The following SLIT3 variants were observed in gnomAD, a reference collection of about 807,000 sequenced individuals.
The protein encoded by SLIT3 is slit guidance ligand 3.
SLIT3 carries 68 observed loss-of-function variants against 184.0 expected under a neutral mutation model. The observed-to-expected ratio is 0.37, with a 90% CI of 0.30 to 0.45. SLIT3 has a LOEUF of 0.45. Ranked by LOEUF, SLIT3 falls within the 20% of genes least tolerant of loss-of-function variation. SLIT3 has a pLI of 1.00. For synonymous variants in SLIT3, 831 were observed against 828.6 expected (o/e 1.00, Z -0.05); for missense variants, 1,707 against 2,026.0 (o/e 0.84, Z 3.02).
chr5:168,677,802 G>A (rs1392963750), intron 32 of SLIT3, among the ~76,000 whole-genome samples: 1 of 152,210 alleles, frequency 6.6e-6, no homozygotes, highest in Non-Finnish European at 1.5e-5. Context: ...CAAGTGCTCA[G>A]TGAAAGGTGG....
At chr5:169,132,449 T>G (rs1761337698) in intron 4 of SLIT3, among the ~76,000 whole-genome samples, 1 of 152,168 alleles carries the variant, frequency 6.6e-6, no homozygotes, top group Non-Finnish European at 1.5e-5. Flanking sequence ...CTATTAAAAT[T>G]TTTTTAAACA....
At chr5:168,933,722 T>C (rs1762068692) in intron 4 of SLIT3, among the ~76,000 whole-genome samples, 1 of 152,110 alleles carries the variant, frequency 6.6e-6, no homozygotes, top group South Asian at 2.1e-4. Context: ...AGTAAAGGGT[T>C]GGAGAGAAAA....
intron 4 of SLIT3, among the ~76,000 whole-genome samples, chr5:168,989,469 G>A (rs547879964): frequency 3.3e-5 from 5 of 152,292 alleles, no homozygotes; most frequent in African/African-American, 1.2e-4. Flanking sequence ...CACTTGTCTC[G>A]CTCTTTGGGG....
At chr5:168,773,046 C>T (rs1755614103) in intron 13 of SLIT3, 102 bp from the exon 14 acceptor site, 1 of 1,221,900 alleles carries the variant, frequency 8.2e-7, no homozygotes. Flanking sequence ...ACTGCAAGGA[C>T]TGGCCTCCTG....
rs146000642 is a variant in SLIT3 at position 168,668,929 on chromosome 5, C to T, written c.4336+854G>A. ...GATTACAGGCGACCGCCATGATGCCCAGCTAATTTTTGTATTTTTAGTAGA... is the reference window on the plus strand; with the variant it reads ...GATTACAGGCGACCGCCATGATGCCTAGCTAATTTTTGTATTTTTAGTAGA... On this transcript the variant is annotated intron_variant, in intron 35 of 35. Coordinates refer to ENST00000519560, the MANE Select transcript of SLIT3 (RefSeq NM_003062.4). 5.3e-3 allele frequency among the ~76,000 whole-genome samples: 814 copies of T among 152,338 alleles called. 8 individuals are homozygous for T. Among genetic ancestry groups the T allele is most frequent in the African/African-American group, 0.019 (777 of 41,580 alleles).
chr5:168,999,637 T>C (rs1755635220), intron 4 of SLIT3, among the ~76,000 whole-genome samples: 1 of 152,190 alleles, frequency 6.6e-6, no homozygotes, highest in South Asian at 2.1e-4. Flanking sequence ...CCACAAACTT[T>C]GGACAGTGTC....
At chr5:168,823,969 A>T (rs1757619445) in intron 6 of SLIT3, among the ~76,000 whole-genome samples, 2 of 152,056 alleles carry the variant, frequency 1.3e-5, no homozygotes, top group South Asian at 4.2e-4. Flanking sequence ...TTATTTTGAG[A>T]CGGGGTTTCG....
intron 4 of SLIT3, among the ~76,000 whole-genome samples, chr5:169,140,217 C>A: frequency 6.7e-6 from 1 of 149,292 alleles, no homozygotes; most frequent in East Asian, 2.0e-4. Context: ...GTAATCCCAG[C>A]ACTTTGGGAG....
At chr5:168,778,893 T>C (rs112082566) in intron 12 of SLIT3, among the ~76,000 whole-genome samples, 2,613 of 152,330 alleles carry the variant, frequency 0.017, 99 homozygotes, top group African/African-American at 0.059. Context: ...AATACTGTAT[T>C]CATCGGTATT....
At chr5:168,870,993 G>A (rs565165326) in intron 5 of SLIT3, among the ~76,000 whole-genome samples, 5 of 152,320 alleles carry the variant, frequency 3.3e-5, no homozygotes, top group African/African-American at 9.6e-5. Context: ...CAAACTGAGC[G>A]TCTTAACATA....
rs959557980 is a variant in SLIT3, at chr5:168,662,756, C to T, written c.*3698G>A. 2 of 152,232 alleles carry T rather than the reference C, an allele frequency of 1.3e-5. No homozygotes were observed. Among genetic ancestry groups the T allele is most frequent in the Admixed American group, 1.3e-4 (2 of 15,276 alleles). The allele number at this position is 152,232 out of a possible 1,614,324, so 9.4% of individuals were successfully genotyped here. ...TCTTTTCCCTTTCCTGAATCCTGCTCAGGGGGGACACAGCTTGAGCGGCCT... is the reference window on the plus strand; with the variant it reads ...TCTTTTCCCTTTCCTGAATCCTGCTTAGGGGGGACACAGCTTGAGCGGCCT... On this transcript the variant is annotated 3_prime_UTR_variant, in exon 36 of 36. Transcript: ENST00000519560.
At position 169,251,422 on chromosome 5, in the gene SLIT3, T is replaced by A; in HGVS notation, c.235A>T (p.Met79Leu). Reference protein sequence around the residue: ...DRNNITRITKMDFAGLKNLRV... With the variant: ...DRNNITRITKLDFAGLKNLRV... ...AGGTTCTTGAGCCCAGCGAAGTCCA[T>A]CTTGGTGATCCTGGTGATATTATTT... The change falls in exon 2 of 36, where the codon ATG (methionine) becomes TTG (leucine). Residue 79 changes from methionine to leucine, a missense_variant. Coordinates refer to ENST00000519560, the MANE Select transcript of SLIT3 (RefSeq NM_003062.4). 1 of 1,613,722 alleles carries A rather than the reference T, an allele frequency of 6.2e-7. No individual in the cohort carries two copies. Among genetic ancestry groups the A allele is most frequent in the Non-Finnish European group, 8.5e-7 (1 of 1,179,642 alleles).
At chr5:169,298,484 C>G (rs1407652877) in intron 1 of SLIT3, among the ~76,000 whole-genome samples, 1 of 152,120 alleles carries the variant, frequency 6.6e-6, no homozygotes, top group Non-Finnish European at 1.5e-5. Context: ...CTTGGTTTCC[C>G]AAACATGGAG....
At chr5:168,936,423 C>A (rs1025868680) in intron 4 of SLIT3, among the ~76,000 whole-genome samples, 2 of 152,212 alleles carry the variant, frequency 1.3e-5, no homozygotes, top group Admixed American at 1.3e-4. Flanking sequence ...TTAGTAGAGA[C>A]GGGGTTTCAC....
At chr5:169,099,028 G>T (rs1279934333) in intron 4 of SLIT3, among the ~76,000 whole-genome samples, 1 of 151,912 alleles carries the variant, frequency 6.6e-6, no homozygotes, top group African/African-American at 2.4e-5. Flanking sequence ...TTGCCTGGTG[G>T]CTACATCTAC....
chr5:168,702,348 G>A (rs1056326628), intron 26 of SLIT3, among the ~76,000 whole-genome samples: 1 of 152,212 alleles, frequency 6.6e-6, no homozygotes, highest in Non-Finnish European at 1.5e-5. Flanking sequence ...GACTTAGAAA[G>A]TGAGGTAATA....
intron 28 of SLIT3, 93 bp downstream of exon 28, chr5:168,696,199 G>C (rs1169425913): frequency 2.1e-6 from 3 of 1,456,498 alleles, no homozygotes; most frequent in Non-Finnish European, 2.9e-6. Context: ...TGTCCTCAGG[G>C]AGAGAGGAAG....
chr5:169,245,348 G>T (rs145778021), intron 2 of SLIT3, among the ~76,000 whole-genome samples: 2 of 152,008 alleles, frequency 1.3e-5, no homozygotes, highest in African/African-American at 2.4e-5. Flanking sequence ...TCACTCACCC[G>T]CCTCAGTCCT....
In SLIT3 at chr5:169,300,553, G is replaced by T. The variant is rs764351814; in HGVS notation, c.157C>A (p.Arg53Ser). The T allele has an allele frequency of 2.0e-4, 296 of 1,510,198 alleles. No homozygotes were observed. The highest frequency in any genetic ancestry group is 2.5e-4 in the Non-Finnish European group (278 of 1,132,744). The allele number at this position is 1,510,198 out of a possible 1,614,324, so 93.5% of individuals were successfully genotyped here. Residue 53 changes from arginine to serine, a missense_variant, in exon 1 of 36, where the codon CGC becomes AGC. By Grantham distance (110) the Arg-to-Ser change is moderately radical (BLOSUM62 -1). Coordinates refer to ENST00000519560, the MANE Select transcript of SLIT3 (RefSeq NM_003062.4). This position sits in a 1 kb window ranked among gnomAD's most constrained non-coding sequence, Gnocchi z 4.1. Reference sequence around the variant, plus strand: ...CGGGGGATGCCCCGAGGAACCGCGCGGAGGCCCAGCCCGTGGCAGTCCACG... The same window carrying T: ...CGGGGGATGCCCCGAGGAACCGCGCTGAGGCCCAGCCCGTGGCAGTCCACG... The part of the protein sequence containing the change: ...ASVDCHGLGL[R>S]AVPRGIPRNA...
Sources: gnomAD v4.1 joint callset for allele counts (sites outside exome capture counted in the v4.1 genomes callset) on GRCh38, gnomAD v4.1.1 for gene constraint, Gnocchi (gnomAD v3.1) non-coding constraint, MANE v1.5 for transcripts, NCBI Gene and HGNC (gene_info 2026-07-23, HGNC 2026-07-21) for gene names.